FGF12: variants seen among roughly 807,000 people sequenced by gnomAD.
The protein encoded by FGF12 is fibroblast growth factor 12, also known as fibroblast growth factor 12B.
Under a neutral mutation model 23.6 loss-of-function variants are expected in FGF12, and 14 were observed. That is an observed-to-expected ratio of 0.59 (90% CI 0.39 to 0.93). The LOEUF (loss-of-function observed/expected upper bound fraction) is 0.93, where lower values mean the gene tolerates loss of function less well. FGF12 is among the 40% of genes least tolerant of loss of function. The pLI is 0.00. For missense variants in FGF12, 175 were observed against 217.8 expected, an observed-to-expected ratio of 0.80 and a Z score of 1.24; for synonymous variants, 62 against 77.3, an observed-to-expected ratio of 0.80 and a Z score of 1.04.
chr3:192,299,534 A>G (rs1222917983), intron 4 of FGF12, among the ~76,000 whole-genome samples: 1 of 152,222 alleles, frequency 6.6e-6, no homozygotes, highest in Non-Finnish European at 1.5e-5. Flanking sequence ...AAAGACTTCT[A>G]TGGCATACTA....
At chr3:192,420,313 T>A (rs546982182) in intron 2 of FGF12, among the ~76,000 whole-genome samples, 22 of 152,266 alleles carry the variant, frequency 1.4e-4, no homozygotes, top group African/African-American at 5.3e-4. Flanking sequence ...ATACTTACTT[T>A]AAGTTGCAGT....
chr3:192,560,559 G>A (rs967875246), intron 2 of FGF12, among the ~76,000 whole-genome samples: 6 of 152,030 alleles, frequency 3.9e-5, no homozygotes, highest in African/African-American at 1.4e-4. Context: ...ATGCCCTTGT[G>A]TTAGTATATT....
chr3:192,541,295 T>C (rs1725358059), intron 2 of FGF12, among the ~76,000 whole-genome samples: 1 of 152,206 alleles, frequency 6.6e-6, no homozygotes, highest in African/African-American at 2.4e-5. Context: ...TTGTGTTTGT[T>C]GTATATTTTC....
chr3:192,485,902 T>C (rs1291640465), intron 2 of FGF12, among the ~76,000 whole-genome samples: 1 of 152,216 alleles, frequency 6.6e-6, no homozygotes, highest in Admixed American at 6.6e-5. Flanking sequence ...GACTTGTTTA[T>C]AATTTAATTT....
rs905683755 is a variant in FGF12 at position 192,673,880 on chromosome 3, T to C, written c.13+53301A>G. Among the ~76,000 whole-genome samples the C allele has an allele frequency of 2.0e-5, 3 of 151,182 alleles. 1 individual carries two copies. The highest frequency in any genetic ancestry group is 3.0e-5 in the Non-Finnish European group (2 of 67,536). ...TGCATGTATCTTTATAATAGAATGA[T>C]CTATATTTCCTTTGGGTATATACCC... On this transcript the variant is annotated intron_variant, in intron 2 of 5. Coordinates refer to ENST00000445105, the MANE Select transcript of FGF12 (RefSeq NM_004113.6).
chr3:192,321,840 C>T (rs1213239664), intron 4 of FGF12, among the ~76,000 whole-genome samples: 1 of 151,912 alleles, frequency 6.6e-6, no homozygotes, highest in Non-Finnish European at 1.5e-5. Flanking sequence ...AGCCATACAT[C>T]GCAGACCCAC....
At chr3:192,185,991 T>A (rs1221130481) in intron 4 of FGF12, among the ~76,000 whole-genome samples, 2 of 152,102 alleles carry the variant, frequency 1.3e-5, no homozygotes, top group African/African-American at 4.8e-5. Context: ...AACTGAAGCA[T>A]ACAATCTCAA....
At chr3:192,487,298 G>A (rs183566961) in intron 2 of FGF12, among the ~76,000 whole-genome samples, 1 of 152,152 alleles carries the variant, frequency 6.6e-6, no homozygotes. Flanking sequence ...GTGCCGCTTC[G>A]AAACCTTGGT....
At chr3:192,227,946 G>T (rs375222310) in intron 4 of FGF12, among the ~76,000 whole-genome samples, 6 of 152,036 alleles carry the variant, frequency 3.9e-5, no homozygotes, top group Non-Finnish European at 5.9e-5. Context: ...TCTACAAGAG[G>T]ACCTATTACT....
chr3:192,417,284 G>T (rs911384232), intron 2 of FGF12, among the ~76,000 whole-genome samples: 1 of 150,722 alleles, frequency 6.6e-6, no homozygotes, highest in South Asian at 2.1e-4. Context: ...AACCAAAAGC[G>T]TTTATTATTT....
intron 2 of FGF12, among the ~76,000 whole-genome samples, chr3:192,546,678 GT>G (rs918973213): frequency 7.1e-6 from 1 of 140,684 alleles, no homozygotes; most frequent in African/African-American, 2.7e-5. Context: ...CTGACACATA[GT>G]CTCTACTCAA....
At chr3:192,399,041 A>C (rs1298776943) in intron 2 of FGF12, among the ~76,000 whole-genome samples, 1 of 152,136 alleles carries the variant, frequency 6.6e-6, no homozygotes, top group African/African-American at 2.4e-5. Context: ...TTCATCAAGA[A>C]GACGAGGCAT....
At chr3:192,508,140 C>T (rs1002419830) in intron 2 of FGF12, among the ~76,000 whole-genome samples, 17 of 152,278 alleles carry the variant, frequency 1.1e-4, no homozygotes, top group African/African-American at 4.1e-4. Flanking sequence ...ATCAGTGACA[C>T]CAACTGCAAT....
In FGF12 at chr3:192,339,006, T is replaced by G. The variant is rs147305118; in HGVS notation, c.125-3542A>C. On this transcript the variant is annotated intron_variant, in intron 3 of 5. Coordinates refer to ENST00000445105, the MANE Select transcript of FGF12 (RefSeq NM_004113.6). ...ACTATAAAGTTTTTCCTACATGGAA[T>G]GAGAGAAAACTGATAATGCTAGGCA... 9.2e-3 allele frequency among the ~76,000 whole-genome samples: 1,397 copies of G among 152,284 alleles called. 26 individuals carry two copies. The highest frequency in any genetic ancestry group is 0.032 in the African/African-American group (1,315 of 41,572).
At chr3:192,556,602 T>A (rs73887630) in intron 2 of FGF12, among the ~76,000 whole-genome samples, 1 of 152,130 alleles carries the variant, frequency 6.6e-6, no homozygotes, top group Non-Finnish European at 1.5e-5. Flanking sequence ...CTTTCAATAA[T>A]GGACCAAACA....
At chr3:192,399,075 A>G (rs1720648932) in intron 2 of FGF12, among the ~76,000 whole-genome samples, 1 of 152,144 alleles carries the variant, frequency 6.6e-6, no homozygotes, top group Non-Finnish European at 1.5e-5. Flanking sequence ...ATGATGATGC[A>G]GCTCAGTTTT....
intron 4 of FGF12, among the ~76,000 whole-genome samples, chr3:192,296,062 C>CTTTTTTTT (rs34021285): frequency 3.8e-5 from 3 of 78,090 alleles, no homozygotes; most frequent in Non-Finnish European, 7.1e-5. Flanking sequence ...GTTTTTCTTT[C>CTTTTTTTT]TTTTTTTTTT....
intron 3 of FGF12, among the ~76,000 whole-genome samples, chr3:192,358,121 C>A (rs966459281): frequency 6.6e-6 from 1 of 150,890 alleles, no homozygotes; most frequent in Admixed American, 6.6e-5. Context: ...TTAAAATATG[C>A]AAAACAATAT....
At chr3:192,209,918 T>C (rs1382942394) in intron 4 of FGF12, among the ~76,000 whole-genome samples, 1 of 152,228 alleles carries the variant, frequency 6.6e-6, no homozygotes, top group African/African-American at 2.4e-5. Flanking sequence ...ACATGTTGTA[T>C]ACCATTCACT....
Sources: gnomAD v4.1 joint callset for allele counts (sites outside exome capture counted in the v4.1 genomes callset) on GRCh38, gnomAD v4.1.1 for gene constraint, MANE v1.5 for transcripts, NCBI Gene and HGNC (gene_info 2026-07-23, HGNC 2026-07-21) for gene names.